EN1: variants seen among roughly 807,000 people sequenced by gnomAD.
EN1 encodes engrailed homeobox 1, also known as homeobox protein engrailed-1.
Under a neutral mutation model 22.9 loss-of-function variants are expected in EN1, and 8 were observed. The ratio of observed to expected loss-of-function variants is 0.35; its 90% CI spans 0.20 to 0.63. The LOEUF (loss-of-function observed/expected upper bound fraction) is 0.63, where lower values mean the gene tolerates loss of function less well. Ranked by LOEUF, EN1 falls within the 20% of genes least tolerant of loss-of-function variation. EN1 has a pLI of 0.73. For missense variants in EN1, 521 were observed against 572.1 expected, an observed-to-expected ratio of 0.91 and a Z score of 0.91; for synonymous variants, 287 against 262.5, an observed-to-expected ratio of 1.09 and a Z score of -0.90.
rs759684351 is a variant in EN1 at position 118,846,490 on chromosome 2, G to A, written c.678C>T (p.Gly226=). 1.3e-6 allele frequency: 2 copies of A among 1,577,592 alleles called. No homozygotes were observed. Among genetic ancestry groups the A allele is most frequent in the South Asian group, 1.1e-5 (1 of 87,034 alleles). The change falls in exon 1 of 2, where the codon GGC becomes GGT. Residue 226 remains glycine, a synonymous_variant. Coordinates refer to ENST00000295206, the MANE Select transcript of EN1 (RefSeq NM_001426.4). The surrounding 1 kb of genome is among the most constrained non-coding windows in gnomAD (Gnocchi z 5.0). ...AAAKPSDTGG[G]GSGGGAGSPG... ...GGCTCCCCGCGCCGCCTCCACTGCC[G>A]CCGCCACCGGTGTCCGAGGGCTTGG...
chr2:118,847,570 A>G lies in EN1; in HGVS notation c.-403T>C, dbSNP rs1452648746. 1.3e-5 allele frequency: 2 copies of G among 155,946 alleles called. No homozygotes were observed. The highest frequency in any genetic ancestry group is 4.8e-5 in the African/African-American group (2 of 41,660). 9.7% of individuals were successfully genotyped at this position (155,946 alleles called of 1,614,324 possible). A position where few individuals can be genotyped will look rare whatever the true frequency, so the allele number is the denominator to read the frequency against. On this transcript the variant is annotated 5_prime_UTR_variant, in exon 1 of 2. Transcript: ENST00000295206. Reference sequence around the variant, plus strand: ...TAATTTTTTTCTTAAAGGGAAAAAAATAGTATTTAAAGTCTAGCCATCTTC... The same window carrying G: ...TAATTTTTTTCTTAAAGGGAAAAAAGTAGTATTTAAAGTCTAGCCATCTTC...
chr2:118,847,472 T>G lies in EN1; in HGVS notation c.-305A>C, dbSNP rs559513312. ...TCAATGATTTGATTTAAATGGGGAGTAAGCCACGGCCAAAAAAATGAAGGA... is the reference window on the plus strand; with the variant it reads ...TCAATGATTTGATTTAAATGGGGAGGAAGCCACGGCCAAAAAAATGAAGGA... On this transcript the variant is annotated 5_prime_UTR_variant, in exon 1 of 2. Coordinates refer to ENST00000295206, the MANE Select transcript of EN1 (RefSeq NM_001426.4). The G allele has an allele frequency of 2.6e-5, 7 of 269,510 alleles. No homozygotes were observed. The East Asian group carries it at 4.0e-4, about 15-fold the overall frequency. The allele number at this position is 269,510 out of a possible 1,614,324, so 16.7% of individuals were successfully genotyped here. A position where few individuals can be genotyped will look rare whatever the true frequency, so the allele number is the denominator to read the frequency against.
rs193000428 is a variant in EN1, at chr2:118,845,947, T to C, written c.862+359A>G. Among the ~76,000 whole-genome samples, 18 of 152,336 alleles carry C rather than the reference T, an allele frequency of 1.2e-4. No homozygotes were observed. The East Asian group carries it at 3.5e-3, about 29-fold the overall frequency. ...TGGTGGGATTTCAGACACACATCACTAGGCCCACCTTCCTGCCTTATCTAA... is the reference window on the plus strand; with the variant it reads ...TGGTGGGATTTCAGACACACATCACCAGGCCCACCTTCCTGCCTTATCTAA... On this transcript the variant is annotated intron_variant, in intron 1 of 1. Transcript: ENST00000295206.
Position 118,847,127 on chromosome 2 carries a change from G to T in EN1, c.41C>A (p.Ser14Ter). 7.6e-7 allele frequency: 1 copy of T among 1,321,574 alleles called. No homozygotes were observed. Among genetic ancestry groups the T allele is most frequent in the Non-Finnish European group, 1.0e-6 (1 of 996,364 alleles). 81.9% of individuals were successfully genotyped at this position (1,321,574 alleles called of 1,614,324 possible). ...CGCCGCCGCCGCCGCGCCGAGGGCC[G>T]AGTCGCGCTGACTTTTAGGTTCCGG... is the stretch of plus-strand genomic sequence containing the variant. ...QQPEPKSQRD[S>*]ALGAAAAATP... is the part of the protein sequence containing the mutation. Residue 14 changes from serine (S) to a stop codon, truncating the protein, a stop_gained, in exon 1 of 2, where the codon TCG becomes TAG. Transcript: ENST00000295206. LOFTEE classifies it high-confidence loss of function.
rs762844167 is a variant in EN1 at position 118,846,474 on chromosome 2, C to A, written c.694G>T (p.Ala232Ser). The change falls in exon 1 of 2, where the codon GCG becomes TCG. Residue 232 changes from alanine (A) to serine (S), a missense_variant. Physicochemically the swap from Ala to Ser is moderately conservative, Grantham distance 99. Coordinates refer to ENST00000295206, the MANE Select transcript of EN1 (RefSeq NM_001426.4). This position sits in a 1 kb window ranked among gnomAD's most constrained non-coding sequence, Gnocchi z 5.0. ...GTGCCCTGCGCTCCGGGGCTCCCCG[C>A]GCCGCCTCCACTGCCGCCGCCACCG... ...DTGGGGSGGG[A>S]GSPGAQGTKY... 15 of 1,595,948 alleles carry A rather than the reference C, an allele frequency of 9.4e-6. No individual in the cohort carries two copies. In the African/African-American group the frequency reaches 1.8e-4, roughly 19 times the overall value.
rs78210121 is a variant in EN1, at chr2:118,846,398, T to A, written c.770A>T (p.Asn257Ile). The A allele has an allele frequency of 1.7e-4, 275 of 1,613,366 alleles. No homozygotes were observed. Among genetic ancestry groups the A allele is most frequent in the Non-Finnish European group, 2.2e-4 (265 of 1,179,926 alleles). The change falls in exon 1 of 2, where the codon AAC becomes ATC. Residue 257 changes from asparagine to isoleucine, a missense_variant. By Grantham distance (149) the Asn-to-Ile change is moderately radical. This residue lies in a region of EN1 where 436 missense variants were observed against 410.1 expected (regional missense o/e 1.06). Transcript: ENST00000295206. This position sits in a 1 kb window ranked among gnomAD's most constrained non-coding sequence, Gnocchi z 5.0. ...NPAILLMGSA[N>I]GGPVVKTDSQ... Reference sequence around the variant, plus strand: ...GTCAGTTTTGACCACGGGCCCGCCGTTGGCTGAGCCCATAAGTAGGATAGC... The same window carrying A: ...GTCAGTTTTGACCACGGGCCCGCCGATGGCTGAGCCCATAAGTAGGATAGC...
In EN1 at chr2:118,843,028, G is replaced by A; in HGVS notation, c.1089C>T (p.Gly363=). 6.2e-7 allele frequency: 1 copy of A among 1,614,158 alleles called. No homozygotes were observed. The highest frequency in any genetic ancestry group is 8.5e-7 in the Non-Finnish European group (1 of 1,180,030). Residue 363 remains glycine (G), a synonymous_variant, in exon 2 of 2, where the codon GGC becomes GGT. Transcript: ENST00000295206. ...GGTGCAGCGCCAGGCCGTTCTTGAT[G>A]CCTGTGGCTTTCTTGATCTTGGCGC... ...NKRAKIKKAT[G]IKNGLALHLM...
chr2:118,847,106 G>A lies in EN1; in HGVS notation c.62C>T (p.Ala21Val). 7.2e-7 allele frequency: 1 copy of A among 1,388,814 alleles called. No homozygotes were observed. The highest frequency in any genetic ancestry group is 9.4e-7 in the Non-Finnish European group (1 of 1,059,230). The allele number at this position is 1,388,814 out of a possible 1,614,324, so 86.0% of individuals were successfully genotyped here. A position where few individuals can be genotyped will look rare whatever the true frequency, so the allele number is the denominator to read the frequency against. ...CAGGCTGAGGCCGCCCGGAGTCGCCGCCGCCGCCGCGCCGAGGGCCGAGTC... is the reference window on the plus strand; with the variant it reads ...CAGGCTGAGGCCGCCCGGAGTCGCCACCGCCGCCGCGCCGAGGGCCGAGTC... ...QRDSALGAAA[A>V]ATPGGLSLSL... The change falls in exon 1 of 2, where the codon GCG becomes GTG. Residue 21 changes from alanine (A) to valine (V), a missense_variant. Physicochemically the swap from Ala to Val is moderately conservative, Grantham distance 64. Around this residue, in one of 3 missense-constraint regions of EN1, gnomAD observed 436 missense variants for 410.1 expected, o/e 1.06. Transcript: ENST00000295206.
chr2:118,842,320 C>A lies in EN1; in HGVS notation c.*618G>T, dbSNP rs921989080. ...ACGAAAGGGGGGCAGAACAGACAGA[C>A]CGACAGAAGGGACCCGGGAGGTGGG... On this transcript the variant is annotated 3_prime_UTR_variant, in exon 2 of 2. Transcript: ENST00000295206. 2.0e-5 allele frequency: 3 copies of A among 152,562 alleles called. No homozygotes were observed. The highest frequency in any genetic ancestry group is 7.2e-5 in the African/African-American group (3 of 41,384). The allele number at this position is 152,562 out of a possible 1,614,324, so 9.5% of individuals were successfully genotyped here. A position where few individuals can be genotyped will look rare whatever the true frequency, so the allele number is the denominator to read the frequency against.
rs930734910 is a variant in EN1 at position 118,842,332 on chromosome 2, A to AC, written c.*605dup. The AC allele has an allele frequency of 6.6e-6, 1 of 152,506 alleles. No individual in the cohort carries two copies. Among genetic ancestry groups the AC allele is most frequent in the Admixed American group, 6.6e-5 (1 of 15,262 alleles). 9.4% of individuals were successfully genotyped at this position (152,506 alleles called of 1,614,324 possible). Reference sequence around the variant, plus strand: ...CAGAACAGACAGACCGACAGAAGGGACCCGGGAGGTGGGGGAGAAGAGGTG... The same window carrying AC: ...CAGAACAGACAGACCGACAGAAGGGACCCCGGGAGGTGGGGGAGAAGAGGTG... On this transcript the variant is annotated 3_prime_UTR_variant, in exon 2 of 2. Transcript: ENST00000295206.
Position 118,843,899 on chromosome 2 carries a change from C to G in EN1, c.863-645G>C, listed in dbSNP as rs1245929068. 8.5e-5 allele frequency: 13 copies of G among 152,454 alleles called. 1 individual carries two copies. The highest frequency in any genetic ancestry group is 8.5e-4 in the Admixed American group (13 of 15,310). The allele number at this position is 152,454 out of a possible 1,614,324, so 9.4% of individuals were successfully genotyped here. A position where few individuals can be genotyped will look rare whatever the true frequency, so the allele number is the denominator to read the frequency against. On this transcript the variant is annotated intron_variant, in intron 1 of 1. Coordinates refer to ENST00000295206, the MANE Select transcript of EN1 (RefSeq NM_001426.4). ...AAGTATTTGGTGTCTGCCCCCCTCC[C>G]CGCACCCCTCCCTCCCACACACACC...
In EN1 at chr2:118,846,209, C is replaced by A. The variant is rs973441142; in HGVS notation, c.862+97G>T. 5 of 1,514,410 alleles carry A rather than the reference C, an allele frequency of 3.3e-6. No homozygotes were observed. The African/African-American group carries it at 7.0e-5, about 21-fold the overall frequency. The allele number at this position is 1,514,410 out of a possible 1,614,324, so 93.8% of individuals were successfully genotyped here. ...AAGCAGGCGTGAGAGACTGGAGTAC[C>A]CGAGGCCGGGTTTGCTCTCCCTAGC... is the stretch of plus-strand genomic sequence containing the variant. On this transcript the variant is annotated intron_variant, in intron 1 of 1. Transcript: ENST00000295206. The surrounding 1 kb of genome is among the most constrained non-coding windows in gnomAD (Gnocchi z 5.0).
At chr2:118,844,763 C>T (rs1194574007) in intron 1 of EN1, among the ~76,000 whole-genome samples, 1 of 152,218 alleles carries the variant, frequency 6.6e-6, no homozygotes, top group African/African-American at 2.4e-5. Context: ...CGACTCAGAT[C>T]TGGGTCGAGG....
Position 118,846,903 on chromosome 2 carries a change from G to A in EN1, c.265C>T (p.Pro89Ser). ...PPPPPQHLAA[P>S]AHQPQPAAQL... ...GCCGCTGGCTGCGGCTGGTGAGCAG[G>A]CGCCGCGAGATGCTGAGGCGGCGGG... Residue 89 changes from proline to serine, a missense_variant, in exon 1 of 2, where the codon CCT becomes TCT. Around this residue, in one of 3 missense-constraint regions of EN1, gnomAD observed 436 missense variants for 410.1 expected, o/e 1.06. Transcript: ENST00000295206. This position sits in a 1 kb window ranked among gnomAD's most constrained non-coding sequence, Gnocchi z 5.0. 1 of 1,560,210 alleles carries A rather than the reference G, an allele frequency of 6.4e-7. No homozygotes were observed. The highest frequency in any genetic ancestry group is 1.1e-5 in the South Asian group (1 of 87,462).
chr2:118,847,069 C>T lies in EN1; in HGVS notation c.99G>A (p.Pro33=). The change falls in exon 1 of 2, where the codon CCG becomes CCA. Residue 33 remains proline (P), a synonymous_variant. Transcript: ENST00000295206. ...TPGGLSLSLS[P]GASGSSGSGS... Reference sequence around the variant, plus strand: ...CGCTGCCGCTGCTGCCGCTGGCGCCCGGACTGAGGCTCAGGCTGAGGCCGC... The same window carrying T: ...CGCTGCCGCTGCTGCCGCTGGCGCCTGGACTGAGGCTCAGGCTGAGGCCGC... 1.4e-6 allele frequency: 2 copies of T among 1,423,848 alleles called. No homozygotes were observed. The highest frequency in any genetic ancestry group is 1.8e-6 in the Non-Finnish European group (2 of 1,091,408). 88.2% of individuals were successfully genotyped at this position (1,423,848 alleles called of 1,614,324 possible). A position where few individuals can be genotyped will look rare whatever the true frequency, so the allele number is the denominator to read the frequency against.
intron 1 of EN1, among the ~76,000 whole-genome samples, chr2:118,844,728 A>C (rs1438836): frequency 0.53 from 80,524 of 152,072 alleles, 22,072 homozygotes; most frequent in South Asian, 0.71. Flanking sequence ...CCTATGACAA[A>C]GAGTCCAGGC....
Position 118,842,817 on chromosome 2 carries a change from T to C in EN1, c.*121A>G. ...TTCTGAGGCTCTCTTTCTGTCTCTC[T>C]CGCTCTTTTCCCTGCGCTCCCTCCC... On this transcript the variant is annotated 3_prime_UTR_variant, in exon 2 of 2. Transcript: ENST00000295206. 7.0e-7 allele frequency: 1 copy of C among 1,419,744 alleles called. No homozygotes were observed. Among genetic ancestry groups the C allele is most frequent in the Non-Finnish European group, 9.2e-7 (1 of 1,081,964 alleles). The allele number at this position is 1,419,744 out of a possible 1,614,324, so 87.9% of individuals were successfully genotyped here.
Position 118,847,129 on chromosome 2 carries a change from G to A in EN1, c.39C>T (p.Asp13=), listed in dbSNP as rs945514288. ...CCGCCGCCGCCGCGCCGAGGGCCGA[G>A]TCGCGCTGACTTTTAGGTTCCGGCT... ...EQQPEPKSQR[D]SALGAAAAAT... Residue 13 remains aspartate (D), a synonymous_variant, in exon 1 of 2, where the codon GAC becomes GAT. Coordinates refer to ENST00000295206, the MANE Select transcript of EN1 (RefSeq NM_001426.4). 5.1e-5 allele frequency: 67 copies of A among 1,324,368 alleles called. 2 individuals carry two copies. The African/African-American group carries it at 6.8e-4, about 13-fold the overall frequency. The allele number at this position is 1,324,368 out of a possible 1,614,324, so 82.0% of individuals were successfully genotyped here.
At position 118,846,928 on chromosome 2, in the gene EN1, G is replaced by T. The variant is rs1678285816; in HGVS notation, c.240C>A (p.Pro80=). 1 of 1,538,142 alleles carries T rather than the reference G, an allele frequency of 6.5e-7. No homozygotes were observed. Residue 80 remains proline (P), a synonymous_variant, in exon 1 of 2, where the codon CCC becomes CCA. Coordinates refer to ENST00000295206, the MANE Select transcript of EN1 (RefSeq NM_001426.4). This position sits in a 1 kb window ranked among gnomAD's most constrained non-coding sequence, Gnocchi z 5.0. ...GCGCCGCGAGATGCTGAGGCGGCGG[G>T]GGCGGGGGGTGTGGGGGGAGGTGCG... ...HHPHLPPHPP[P]PPPQHLAAPA...
Sources: allele counts gnomAD v4.1 joint callset (sites outside exome capture counted in the v4.1 genomes callset), GRCh38; gene constraint gnomAD v4.1.1; regional missense constraint gnomAD v4.1.1; non-coding constraint Gnocchi (gnomAD v3.1); transcripts MANE v1.5; gene names NCBI Gene and HGNC (gene_info 2026-07-23, HGNC 2026-07-21).